The following GON4L variants were observed in gnomAD, a reference collection of about 807,000 sequenced individuals.
The protein encoded by GON4L is gon-4 like, also known as GON-4-like protein.
GON4L carries 87 observed loss-of-function variants against 211.8 expected under a neutral mutation model. The observed-to-expected ratio is 0.41, with a 90% CI of 0.35 to 0.49. The LOEUF (loss-of-function observed/expected upper bound fraction) is 0.49. GON4L is among the 20% of genes least tolerant of loss of function. The pLI, the probability that GON4L is intolerant of heterozygous loss-of-function variation, is 0.15. For synonymous variants in GON4L, 875 were observed against 962.6 expected (o/e 0.91, Z 1.68); for missense variants, 2,155 against 2,659.5 (o/e 0.81, Z 4.17).
intron 25 of GON4L, 128 bp from the exon 26 acceptor site, chr1:155,757,451 G>A (rs956414655): frequency 1.2e-6 from 1 of 803,132 alleles, no homozygotes. Context: ...GACTCTGCCT[G>A]GTAACAAAGA....
At chr1:155,816,354 T>C (rs1668236598) in intron 6 of GON4L, 92 bp from the exon 7 acceptor site, 2 of 694,366 alleles carry the variant, frequency 2.9e-6, no homozygotes, top group Admixed American at 2.2e-5. Context: ...AACAGCCATA[T>C]ACTTAACAAG....
chr1:155,761,641 G>A (rs1426283003), intron 23 of GON4L, among the ~76,000 whole-genome samples: 3 of 151,556 alleles, frequency 2.0e-5, no homozygotes, highest in African/African-American at 2.4e-5. Context: ...GATTACAGGC[G>A]CCCACCACCA....
intron 12 of GON4L, among the ~76,000 whole-genome samples, chr1:155,785,672 T>C (rs962523430): frequency 7.2e-5 from 11 of 152,090 alleles, no homozygotes; most frequent in African/African-American, 2.4e-4. Flanking sequence ...GTATATTTTG[T>C]AGAGATGAGG....
rs1571605389 is a variant in GON4L, at chr1:155,752,018, C to T, written c.6415G>A (p.Val2139Met). Reference protein sequence around the residue: ...EQQPKAAEATVCANNSKVSST... With the variant: ...EQQPKAAEATMCANNSKVSST... ...CTGACCTTGCTGTTGTTGGCACACACCGTAGCTTCTGCGGCCTTTGGCTGC... is the reference window on the plus strand; with the variant it reads ...CTGACCTTGCTGTTGTTGGCACACATCGTAGCTTCTGCGGCCTTTGGCTGC... Residue 2139 changes from valine (V) to methionine (M), a missense_variant, in exon 30 of 32, where the codon GTG becomes ATG. Transcript: ENST00000368331. 1.2e-6 allele frequency: 2 copies of T among 1,613,646 alleles called. No homozygotes were observed. The highest frequency in any genetic ancestry group is 1.7e-6 in the Non-Finnish European group (2 of 1,179,604).
At chr1:155,804,520 C>T (rs1238635190) in intron 11 of GON4L, among the ~76,000 whole-genome samples, 1 of 152,050 alleles carries the variant, frequency 6.6e-6, no homozygotes, top group Non-Finnish European at 1.5e-5. Flanking sequence ...CACGGTGGCT[C>T]ATGCCTATAA....
At position 155,750,468 on chromosome 1, in the gene GON4L, C is replaced by G. The variant is rs1279126350; in HGVS notation, c.*116G>C. 9.8e-6 allele frequency: 7 copies of G among 714,410 alleles called. No individual in the cohort carries two copies. Among genetic ancestry groups the G allele is most frequent in the African/African-American group, 3.5e-5 (2 of 56,720 alleles). The allele number at this position is 714,410 out of a possible 1,614,324, so 44.3% of individuals were successfully genotyped here. On this transcript the variant is annotated 3_prime_UTR_variant, in exon 32 of 32. Transcript: ENST00000368331. ...CAGCCTTTGTCCTTGTCCTGGCCTC[C>G]TGCTCTCCAGATCTGTAAACTGGGC...
At position 155,756,709 on chromosome 1, in the gene GON4L, G is replaced by C. The variant is rs961594643; in HGVS notation, c.5517+249C>G. ...GGAGGCCGAGGCGGGTGGATCACTT[G>C]AGGTAAGGAGTTCGAGACCAGCCTG... On this transcript the variant is annotated intron_variant, in intron 27 of 31. Transcript: ENST00000368331. The C allele has an allele frequency of 2.8e-4, 117 of 423,270 alleles. 1 individual carries two copies. Among genetic ancestry groups the C allele is most frequent in the South Asian group, 6.4e-4 (27 of 41,952 alleles). 26.2% of individuals were successfully genotyped at this position (423,270 alleles called of 1,614,324 possible). A position where few individuals can be genotyped will look rare whatever the true frequency, so the allele number is the denominator to read the frequency against.
At position 155,776,279 on chromosome 1, in the gene GON4L, C is replaced by A. The variant is rs546606453; in HGVS notation, c.2178+116G>T. 1.2e-4 allele frequency: 100 copies of A among 852,428 alleles called. 2 individuals carry two copies. The highest frequency in any genetic ancestry group is 8.5e-4 in the Middle Eastern group (3 of 3,526). The allele number at this position is 852,428 out of a possible 1,614,324, so 52.8% of individuals were successfully genotyped here. ...CTTAACAGAAAGCAGGCAAAACAATCAAAAATACCCGAGAGAAGAATAAAT... is the reference window on the plus strand; with the variant it reads ...CTTAACAGAAAGCAGGCAAAACAATAAAAAATACCCGAGAGAAGAATAAAT... On this transcript the variant is annotated intron_variant, in intron 16 of 31. Transcript: ENST00000368331.
downstream of GON4L, chr1:155,747,739 T>G (rs542608496): frequency 6.2e-7 from 1 of 1,613,862 alleles, no homozygotes; most frequent in African/African-American, 1.3e-5. Context: ...GCTAACTATC[T>G]TTCGTCACTC....
intron 2 of GON4L, among the ~76,000 whole-genome samples, chr1:155,845,215 G>A (rs1049498742): frequency 6.6e-6 from 1 of 152,226 alleles, no homozygotes; most frequent in Non-Finnish European, 1.5e-5. Context: ...ACAGGATGCA[G>A]CAAAGAAAGC....
intron 19 of GON4L, among the ~76,000 whole-genome samples, chr1:155,768,338 G>A (rs542965595): frequency 2.3e-4 from 34 of 149,536 alleles, no homozygotes; most frequent in South Asian, 4.2e-4. Context: ...TAGGCCAGGC[G>A]CAGTGGCTCA....
chr1:155,808,708 C>A (rs574159208), intron 10 of GON4L, among the ~76,000 whole-genome samples: 4 of 151,844 alleles, frequency 2.6e-5, no homozygotes, highest in Non-Finnish European at 5.9e-5. Flanking sequence ...CTCACTGCAG[C>A]CTCGATCTCC....
intron 14 of GON4L, among the ~76,000 whole-genome samples, chr1:155,783,091 C>G (rs1664588242): frequency 6.6e-6 from 1 of 152,186 alleles, no homozygotes; most frequent in South Asian, 2.1e-4. Flanking sequence ...GTTGTATGAG[C>G]TGTAACTTAA....
intron 2 of GON4L, among the ~76,000 whole-genome samples, chr1:155,840,449 G>A (rs879803037): frequency 1.9e-4 from 29 of 152,136 alleles, no homozygotes; most frequent in Non-Finnish European, 3.5e-4. Context: ...TAGCTTGATT[G>A]TCTGGCTTGT....
At chr1:155,832,099 A>G (rs1032266642) in intron 2 of GON4L, among the ~76,000 whole-genome samples, 1 of 151,574 alleles carries the variant, frequency 6.6e-6, no homozygotes. Flanking sequence ...ACATGGCGAA[A>G]CCCTATCTCT....
chr1:155,796,527 A>T (rs1192419157), intron 11 of GON4L, among the ~76,000 whole-genome samples: 2 of 152,070 alleles, frequency 1.3e-5, no homozygotes, highest in Non-Finnish European at 2.9e-5. Flanking sequence ...ATCCGCCTGC[A>T]TTGGCCTCCG....
chr1:155,849,143 C>CAAAA (rs764161223), intron 2 of GON4L, among the ~76,000 whole-genome samples: 2 of 120,080 alleles, frequency 1.7e-5, no homozygotes, highest in Non-Finnish European at 3.3e-5. Context: ...GACTCCATCT[C>CAAAA]AAAAAAAAAA....
At position 155,766,238 on chromosome 1, in the gene GON4L, C is replaced by T. The variant is rs749569232; in HGVS notation, c.3235G>A (p.Ala1079Thr). 1.2e-6 allele frequency: 2 copies of T among 1,614,084 alleles called. No individual in the cohort carries two copies. ...PAALPAVPPE[A>T]RTSFPLSESQ... ...TCAGACAGAGGGAAGCTTGTCCTGG[C>T]CTCAGGGGGCACAGCAGGCAGTGCT... The change falls in exon 21 of 32, where the codon GCC becomes ACC. Residue 1079 changes from alanine to threonine, a missense_variant. This residue lies in a region of GON4L where 615 missense variants were observed against 625.7 expected (regional missense o/e 0.98). Transcript: ENST00000368331.
At chr1:155,839,185 G>C (rs999323991) in intron 2 of GON4L, among the ~76,000 whole-genome samples, 8 of 152,122 alleles carry the variant, frequency 5.3e-5, no homozygotes, top group African/African-American at 1.9e-4. Context: ...GTAAGTAGGG[G>C]AGAGATAGGT....
Sources: gnomAD v4.1 joint callset for allele counts (sites outside exome capture counted in the v4.1 genomes callset) on GRCh38, gnomAD v4.1.1 for gene constraint, gnomAD v4.1.1 regional missense constraint, MANE v1.5 for transcripts, NCBI Gene and HGNC (gene_info 2026-07-23, HGNC 2026-07-21) for gene names.